Variants in OLFM3 observed in about 807,000 individuals in gnomAD.
OLFM3 encodes the protein olfactomedin 3.
Under a neutral mutation model 48.6 loss-of-function variants are expected in OLFM3, and 20 were observed. The observed-to-expected ratio is 0.41, with a 90% CI of 0.29 to 0.60. OLFM3 has a LOEUF of 0.60. Ranked by LOEUF, OLFM3 falls within the 20% of genes least tolerant of loss-of-function variation. The pLI is 0.28. For missense variants in OLFM3, 437 were observed against 544.3 expected, an observed-to-expected ratio of 0.80 and a Z score of 1.96; for synonymous variants, 222 against 198.1, an observed-to-expected ratio of 1.12 and a Z score of -1.01.
intron 1 of OLFM3, among the ~76,000 whole-genome samples, chr1:101,994,303 T>C (rs1011424769): frequency 6.6e-6 from 1 of 151,006 alleles, no homozygotes; most frequent in South Asian, 2.1e-4. Context: ...TGTATTAGTA[T>C]GCAAAAAGGC....
intron 1 of OLFM3, among the ~76,000 whole-genome samples, chr1:101,897,871 A>G (rs184312638): frequency 6.6e-6 from 1 of 152,292 alleles, no homozygotes; most frequent in Admixed American, 6.5e-5. Flanking sequence ...TATTAGAAAT[A>G]CAGTTTGTAA....
intron 1 of OLFM3, among the ~76,000 whole-genome samples, chr1:101,839,083 C>T (rs1045994805): frequency 2.0e-5 from 3 of 152,334 alleles, no homozygotes; most frequent in Middle Eastern, 3.4e-3. Flanking sequence ...ACCAAGTCAT[C>T]ATCCTTGATC....
At chr1:101,859,091 C>CT (rs1656543364) in intron 1 of OLFM3, among the ~76,000 whole-genome samples, 3 of 151,914 alleles carry the variant, frequency 2.0e-5, no homozygotes, top group Admixed American at 6.6e-5. Context: ...ATCTGAGTAG[C>CT]TTGCAGTGGG....
rs1012920885 is a variant in OLFM3, at chr1:101,895,331, G to A, written c.70-58306C>T. Among the ~76,000 whole-genome samples, 3 of 151,452 alleles carry A rather than the reference G, an allele frequency of 2.0e-5. No homozygotes were observed. The East Asian group carries it at 5.8e-4, about 29-fold the overall frequency. On this transcript the variant is annotated intron_variant, in intron 1 of 5. Coordinates refer to ENST00000370103, the MANE Select transcript of OLFM3 (RefSeq NM_058170.4). ...TGCTAGAGATAAGTTATGCGTATCA[G>A]CACACTCTGACAAAATTACTCTTAA... is the stretch of plus-strand genomic sequence containing the variant.
chr1:101,996,740 G>T lies in OLFM3; in HGVS notation c.69+8C>A, dbSNP rs1661570382. The T allele has an allele frequency of 6.2e-7, 1 of 1,613,844 alleles. No homozygotes were observed. On this transcript the variant is annotated splice_region_variant and intron_variant, in intron 1 of 5. Coordinates refer to ENST00000370103, the MANE Select transcript of OLFM3 (RefSeq NM_058170.4). ...TATTTCAAACAAGACTCAAAATATT[G>T]TTCATACCTTGGAAGGATCTAATCC...
At chr1:101,834,260 C>T (rs769017604) in intron 2 of OLFM3, among the ~76,000 whole-genome samples, 2 of 152,026 alleles carry the variant, frequency 1.3e-5, no homozygotes, top group African/African-American at 2.4e-5. Flanking sequence ...AAGTTTTCAA[C>T]CTAAAAACCA....
intron 4 of OLFM3, among the ~76,000 whole-genome samples, chr1:101,807,693 A>T (rs1653844412): frequency 6.6e-6 from 1 of 151,838 alleles, no homozygotes; most frequent in Admixed American, 6.6e-5. Flanking sequence ...GCATTTCATA[A>T]AACTTGAATC....
chr1:101,985,535 G>A (rs1264856244), intron 1 of OLFM3, among the ~76,000 whole-genome samples: 3 of 151,962 alleles, frequency 2.0e-5, no homozygotes, highest in Non-Finnish European at 4.4e-5. Flanking sequence ...CCCCACTATC[G>A]GAAACATATA....
At chr1:101,929,490 C>G (rs993439328) in intron 1 of OLFM3, among the ~76,000 whole-genome samples, 1 of 152,072 alleles carries the variant, frequency 6.6e-6, no homozygotes, top group Admixed American at 6.6e-5. Context: ...TCTGGCAGAT[C>G]CTCATCTATC....
At chr1:101,921,268 G>T (rs1255073867) in intron 1 of OLFM3, among the ~76,000 whole-genome samples, 1 of 151,510 alleles carries the variant, frequency 6.6e-6, no homozygotes, top group Non-Finnish European at 1.5e-5. Flanking sequence ...TATAAGGCTG[G>T]TGATTATAAT....
chr1:101,841,525 T>A (rs1655720975), intron 1 of OLFM3, among the ~76,000 whole-genome samples: 1 of 152,114 alleles, frequency 6.6e-6, no homozygotes, highest in African/African-American at 2.4e-5. Context: ...CTGTAGTTGA[T>A]GAGAAGAGAT....
intron 4 of OLFM3, among the ~76,000 whole-genome samples, chr1:101,810,176 T>C (rs17429095): frequency 0.15 from 22,813 of 151,820 alleles, 2,197 homozygotes; most frequent in Middle Eastern, 0.28. Context: ...AATCTAAGAC[T>C]TGAAATTACA....
chr1:101,902,922 T>A (rs1427706525), intron 1 of OLFM3, among the ~76,000 whole-genome samples: 5 of 152,098 alleles, frequency 3.3e-5, no homozygotes, highest in African/African-American at 1.2e-4. Flanking sequence ...GCCCATACTC[T>A]TGACCACCTT....
At chr1:101,982,056 G>A (rs569888581) in intron 1 of OLFM3, among the ~76,000 whole-genome samples, 1 of 152,274 alleles carries the variant, frequency 6.6e-6, no homozygotes, top group South Asian at 2.1e-4. Flanking sequence ...TTTAGGTTAT[G>A]CTAAATTGAA....
intron 3 of OLFM3, among the ~76,000 whole-genome samples, chr1:101,825,476 C>T (rs982103269): frequency 1.3e-5 from 2 of 152,034 alleles, no homozygotes; most frequent in Non-Finnish European, 2.9e-5. Context: ...GCTTAGTTTT[C>T]TATAACAAAT....
In OLFM3 at chr1:101,804,845, C is replaced by T; in HGVS notation, c.770G>A (p.Ser257Asn). The T allele has an allele frequency of 6.2e-7, 1 of 1,612,394 alleles. No homozygotes were observed. The highest frequency in any genetic ancestry group is 8.5e-7 in the Non-Finnish European group (1 of 1,178,974). ...GTTGTATGTCCTTGATTCAGCCCCA[C>T]TGACAAAGTCTGCAATTGATTTGTA... is the stretch of plus-strand genomic sequence containing the variant. ...REYKSIADFV[S>N]GAESRTYNLP... The change falls in exon 6 of 6, where the codon AGT becomes AAT. Residue 257 changes from serine to asparagine, a missense_variant. Physicochemically the swap from Ser to Asn is conservative, Grantham distance 46. Coordinates refer to ENST00000370103, the MANE Select transcript of OLFM3 (RefSeq NM_058170.4). The surrounding 1 kb of genome is among the most constrained non-coding windows in gnomAD (Gnocchi z 4.5).
intron 1 of OLFM3, among the ~76,000 whole-genome samples, chr1:101,885,080 G>A (rs565779204): frequency 2.6e-5 from 4 of 152,102 alleles, no homozygotes; most frequent in Non-Finnish European, 4.4e-5. Flanking sequence ...GAAGCCATCA[G>A]ATTCCTGCTG....
chr1:101,994,423 A>G (rs1355003381), intron 1 of OLFM3, among the ~76,000 whole-genome samples: 6 of 150,582 alleles, frequency 4.0e-5, no homozygotes, highest in Non-Finnish European at 4.4e-5. Context: ...TTTTAATTTC[A>G]CCATATATAA....
chr1:101,995,470 G>A (rs1041315520), intron 1 of OLFM3, among the ~76,000 whole-genome samples: 4 of 152,090 alleles, frequency 2.6e-5, no homozygotes, highest in East Asian at 1.9e-4. Flanking sequence ...AGAGTGAAGC[G>A]TTTACATCAA....
Sources: gnomAD v4.1 joint callset for allele counts (sites outside exome capture counted in the v4.1 genomes callset) on GRCh38, gnomAD v4.1.1 for gene constraint, Gnocchi (gnomAD v3.1) non-coding constraint, MANE v1.5 for transcripts, NCBI Gene and HGNC (gene_info 2026-07-23, HGNC 2026-07-21) for gene names.